FRY: variants seen among roughly 807,000 people sequenced by gnomAD.
The protein encoded by FRY is FRY microtubule binding protein, also known as protein furry homolog.
FRY carries 128 observed loss-of-function variants against 348.4 expected under a neutral mutation model. That is an observed-to-expected ratio of 0.37 (90% CI 0.32 to 0.43). FRY has a LOEUF of 0.43. FRY is among the 20% of genes least tolerant of loss of function. The pLI, the probability that FRY is intolerant of heterozygous loss-of-function variation, is 1.00. For synonymous variants in FRY, 1,370 were observed against 1,374.7 expected, an observed-to-expected ratio of 1.00 and a Z score of 0.08; for missense variants, 2,736 against 3,695.2, an observed-to-expected ratio of 0.74 and a Z score of 6.73.
At chr13:32,129,910 C>T (rs1879243939) in intron 7 of FRY, among the ~76,000 whole-genome samples, 1 of 152,106 alleles carries the variant, frequency 6.6e-6, no homozygotes, top group Non-Finnish European at 1.5e-5. Context: ...CCCTGTACTG[C>T]CTTTGGTTAA....
intron 23 of FRY, 139 bp from the exon 24 acceptor site, chr13:32,182,838 T>C: frequency 3.1e-6 from 2 of 635,868 alleles, no homozygotes; most frequent in Admixed American, 2.7e-5. Context: ...GATTGGGAAA[T>C]GGAGAGATCA....
chr13:32,251,180 A>G (rs1372910974), intron 49 of FRY, among the ~76,000 whole-genome samples: 1 of 152,214 alleles, frequency 6.6e-6, no homozygotes, highest in East Asian at 1.9e-4. Flanking sequence ...TCAACTCACC[A>G]ATCATTCTGA....
intron 31 of FRY, among the ~76,000 whole-genome samples, chr13:32,203,464 A>G (rs1884166255): frequency 6.6e-6 from 1 of 152,110 alleles, no homozygotes; most frequent in Non-Finnish European, 1.5e-5. Context: ...GGTGGCTCAC[A>G]CCCGTAATCC....
chr13:32,069,662 T>C (rs1271070593), intron 1 of FRY, among the ~76,000 whole-genome samples: 1 of 152,210 alleles, frequency 6.6e-6, no homozygotes, highest in Non-Finnish European at 1.5e-5. Context: ...TTTGAAGACA[T>C]TATGCTAAGT....
At position 32,244,064 on chromosome 13, in the gene FRY, G is replaced by C; in HGVS notation, c.6710G>C (p.Ser2237Thr). Residue 2237 changes from serine (S) to threonine (T), a missense_variant, in exon 47 of 61, where the codon AGT becomes ACT. Transcript: ENST00000542859. ...LAELLEKGLP[S>T]VQQPLLQVIY... is the part of the protein sequence containing the mutation. Reference sequence around the variant, plus strand: ...CAGCTGCTGGAGAAGGGCCTCCCTAGTGTGCAGCAGCCCCTGCTCCAGGTG... The same window carrying C: ...CAGCTGCTGGAGAAGGGCCTCCCTACTGTGCAGCAGCCCCTGCTCCAGGTG... The C allele has an allele frequency of 6.2e-7, 1 of 1,614,052 alleles. No individual in the cohort carries two copies.
chr13:32,139,014 A>G (rs921463991), intron 11 of FRY, among the ~76,000 whole-genome samples: 2 of 152,228 alleles, frequency 1.3e-5, no homozygotes, highest in African/African-American at 2.4e-5. Flanking sequence ...TATGGGTAAT[A>G]ATCTATTTGA....
chr13:32,238,302 T>A (rs866081040), intron 44 of FRY, among the ~76,000 whole-genome samples: 426 of 17,698 alleles, frequency 0.024, 1 homozygote, highest in African/African-American at 0.041. Flanking sequence ...AAAAAAAAAT[T>A]TTTTTTTCTT....
chr13:32,181,650 T>C (rs1215743812), intron 23 of FRY, among the ~76,000 whole-genome samples: 1 of 151,768 alleles, frequency 6.6e-6, no homozygotes, highest in Non-Finnish European at 1.5e-5. Context: ...CCCAACATTC[T>C]TACCTGAAGA....
At chr13:32,059,758 GAGA>G (rs1873836531) in intron 1 of FRY, among the ~76,000 whole-genome samples, 1 of 152,084 alleles carries the variant, frequency 6.6e-6, no homozygotes, top group Non-Finnish European at 1.5e-5. Context: ...TATACAGAAT[GAGA>G]AGGACTTTAC....
At chr13:32,231,325 C>G in intron 41 of FRY, 25 bp downstream of exon 41, 1 of 1,609,758 alleles carries the variant, frequency 6.2e-7, no homozygotes, top group Non-Finnish European at 8.5e-7. Flanking sequence ...TTGCACAGAT[C>G]CCTCTTTCAG....
At chr13:32,163,192 C>T (rs1881546270) in intron 17 of FRY, among the ~76,000 whole-genome samples, 1 of 152,182 alleles carries the variant, frequency 6.6e-6, no homozygotes, top group East Asian at 1.9e-4. Flanking sequence ...GACCAGGAGA[C>T]GTGTATTTCC....
In FRY at chr13:32,262,468, G is replaced by A; in HGVS notation, c.7772G>A (p.Gly2591Asp). 6.2e-7 allele frequency: 1 copy of A among 1,611,724 alleles called. No individual in the cohort carries two copies. The highest frequency in any genetic ancestry group is 1.1e-5 in the South Asian group (1 of 91,024). ...ATGAATAATCTGCAGATTTCTGAGG[G>A]TTCAAAGGTGAAGAGATTTTAACAA... ...PDMNNLQISEGSKAEAVREEE... is the reference protein window; with the variant it reads ...PDMNNLQISEDSKAEAVREEE... Residue 2591 changes from glycine to aspartate, a missense_variant, in exon 53 of 61, where the codon GGT (glycine) becomes GAT (aspartate). Around this residue, in one of 9 missense-constraint regions of FRY, gnomAD observed 789 missense variants for 996.2 expected, o/e 0.79. Transcript: ENST00000542859.
chr13:32,128,241 T>C (rs1354208296), intron 7 of FRY, among the ~76,000 whole-genome samples: 1 of 152,144 alleles, frequency 6.6e-6, no homozygotes, highest in East Asian at 1.9e-4. Context: ...TCCTCTCTAA[T>C]TAATTACGCA....
At chr13:32,092,772 C>T (rs187332031) in intron 2 of FRY, among the ~76,000 whole-genome samples, 2 of 152,176 alleles carry the variant, frequency 1.3e-5, no homozygotes, top group East Asian at 3.9e-4. Context: ...TGAGGTATCT[C>T]TGAGATTTGG....
Position 32,157,388 on chromosome 13 carries a change from A to C in FRY, c.1767A>C (p.Glu589Asp). ...CTAATGTACAGATGTTAAACAAAGAACCGGAAGACATGATCACGTGAGTAC... is the reference window on the plus strand; with the variant it reads ...CTAATGTACAGATGTTAAACAAAGACCCGGAAGACATGATCACGTGAGTAC... The part of the protein sequence containing the change: ...MLTNVQMLNK[E>D]PEDMITGERK... The change falls in exon 16 of 61, where the codon GAA becomes GAC. Residue 589 changes from glutamate (E) to aspartate (D), a missense_variant. Physicochemically the swap from Glu to Asp is conservative, Grantham distance 45 (BLOSUM62 2). Transcript: ENST00000542859. The C allele has an allele frequency of 1.2e-6, 2 of 1,613,622 alleles. No homozygotes were observed. The highest frequency in any genetic ancestry group is 1.7e-6 in the Non-Finnish European group (2 of 1,179,656).
chr13:32,059,584 T>G (rs1274060556), intron 1 of FRY, among the ~76,000 whole-genome samples: 1 of 151,970 alleles, frequency 6.6e-6, no homozygotes, highest in African/African-American at 2.4e-5. Flanking sequence ...CGTGCCGTTG[T>G]GTTACATGGT....
In FRY at chr13:32,184,566, G is replaced by T. The variant is rs144207952; in HGVS notation, c.3055-34G>T. 1,216 of 1,273,570 alleles carry T rather than the reference G, an allele frequency of 9.5e-4. 13 individuals carry two copies. The African/African-American group carries it at 0.016, about 16-fold the overall frequency. 78.9% of individuals were successfully genotyped at this position (1,273,570 alleles called of 1,614,324 possible). A position where few individuals can be genotyped will look rare whatever the true frequency, so the allele number is the denominator to read the frequency against. ...AAACAAAGTTAATATTGTTTTGCCT[G>T]TGTCTGTAAGTGATACTACCTCTTT... On this transcript the variant is annotated intron_variant, in intron 24 of 60. Transcript: ENST00000542859.
At chr13:32,039,518 G>A (rs1872671523) in intron 1 of FRY, among the ~76,000 whole-genome samples, 1 of 151,906 alleles carries the variant, frequency 6.6e-6, no homozygotes, top group Non-Finnish European at 1.5e-5. Context: ...GTGTGAGAGA[G>A]AAAATAAATT....
At chr13:32,177,436 A>G (rs1029650461) in intron 20 of FRY, among the ~76,000 whole-genome samples, 2 of 152,056 alleles carry the variant, frequency 1.3e-5, no homozygotes, top group African/African-American at 2.4e-5. Context: ...CTAAAAAATA[A>G]TACAAAAATT....
Sources: gnomAD v4.1 joint callset for allele counts (sites outside exome capture counted in the v4.1 genomes callset) on GRCh38, gnomAD v4.1.1 for gene constraint, gnomAD v4.1.1 regional missense constraint, MANE v1.5 for transcripts, NCBI Gene and HGNC (gene_info 2026-07-23, HGNC 2026-07-21) for gene names.